ZSCAN5B: variants seen among roughly 807,000 people sequenced by gnomAD.
The protein encoded by ZSCAN5B is zinc finger and SCAN domain-containing protein 5B.
ZSCAN5B carries 26 observed loss-of-function variants against 25.2 expected under a neutral mutation model. That is an observed-to-expected ratio of 1.03 (90% CI 0.76 to 1.43). The LOEUF (loss-of-function observed/expected upper bound fraction) is 1.43. ZSCAN5B is among the 40% of genes most tolerant of loss of function. ZSCAN5B has a pLI of 0.00. For missense variants in ZSCAN5B, 745 were observed against 622.1 expected (o/e 1.20, Z -2.10); for synonymous variants, 244 against 240.9 (o/e 1.01, Z -0.12).
At chr19:56,193,649 G>C (rs1257514167) in intron 1 of ZSCAN5B, among the ~76,000 whole-genome samples, 1 of 152,160 alleles carries the variant, frequency 6.6e-6, no homozygotes, top group African/African-American at 2.4e-5. Flanking sequence ...ATTTGCTGCA[G>C]GGAAGAGGTG....
rs1304623165 is a variant in ZSCAN5B at position 56,192,986 on chromosome 19, GA to G, written c.66del (p.Pro23HisfsTer23). On this transcript the variant is annotated frameshift_variant, in exon 2 of 5. Transcript: ENST00000586855. LOFTEE classifies it high-confidence loss of function. ...GTTTCTGGGGACGCCACAGACCGTG[GA>G]GTGTCTGACCCAGGGCTGTTGCAGG... 1.1e-5 allele frequency: 17 copies of G among 1,607,188 alleles called. No homozygotes were observed. The highest frequency in any genetic ancestry group is 1.4e-5 in the Non-Finnish European group (17 of 1,175,884).
At position 56,189,891 on chromosome 19, in the gene ZSCAN5B, GC is replaced by G. The variant is rs1338741555; in HGVS notation, c.1423del (p.Ala475ProfsTer12). On this transcript the variant is annotated frameshift_variant, in exon 5 of 5. Transcript: ENST00000586855. LOFTEE classifies it low-confidence loss of function (END_TRUNC). ...CTTGAATGTCCCCAGCTGACGGAAG[GC>G]CTTTTGACAGGTGGGACATTTGTAG... 2 of 1,613,870 alleles carry G rather than the reference GC, an allele frequency of 1.2e-6. No individual in the cohort carries two copies. Among genetic ancestry groups the G allele is most frequent in the Non-Finnish European group, 1.7e-6 (2 of 1,179,896 alleles).
rs202218504 is a variant in ZSCAN5B, at chr19:56,190,119, C to T, written c.1196G>A (p.Arg399Gln). 9.9e-5 allele frequency: 159 copies of T among 1,613,990 alleles called. 1 individual carries two copies. The African/African-American group carries it at 1.5e-3, about 15-fold the overall frequency. Residue 399 changes from arginine (R) to glutamine (Q), a missense_variant, in exon 5 of 5, where the codon CGA becomes CAA. Coordinates refer to ENST00000586855, the Ensembl canonical transcript of ZSCAN5B. Reference sequence around the variant, plus strand: ...GCCAGTGTGGACTCGCTGGTGAACTCGGAGGTCTGAGGGCTGCAAGAAGCG... The same window carrying T: ...GCCAGTGTGGACTCGCTGGTGAACTTGGAGGTCTGAGGGCTGCAAGAAGCG...
intron 1 of ZSCAN5B, among the ~76,000 whole-genome samples, chr19:56,195,984 C>T (rs2032804895): frequency 6.6e-6 from 1 of 152,122 alleles, no homozygotes; most frequent in Non-Finnish European, 1.5e-5. Context: ...CTCTGCTTCC[C>T]AAAATTCTGG....
At chr19:56,194,255 T>C (rs1466769449) in intron 1 of ZSCAN5B, among the ~76,000 whole-genome samples, 1 of 152,104 alleles carries the variant, frequency 6.6e-6, no homozygotes, top group Non-Finnish European at 1.5e-5. Flanking sequence ...GATTAAAGTC[T>C]TATGAAATTT....
chr19:56,193,111 A>G, exon 2 of ZSCAN5B: 2 of 1,464,142 alleles, frequency 1.4e-6, no homozygotes, highest in African/African-American at 2.8e-5. Context: ...GCCAGTATCA[A>G]ATTGAGACCT....
Position 56,192,640 on chromosome 19 carries a change from C to A in ZSCAN5B, c.384+29G>T, listed in dbSNP as rs2032752274. 3.2e-6 allele frequency: 5 copies of A among 1,585,408 alleles called. No homozygotes were observed. In the South Asian group the frequency reaches 4.6e-5, roughly 15 times the overall value. ...TTGGCCCCCATCCCAGCTCCCCTTC[C>A]CTGCACCAATCACGAGGTTCCCACT... On this transcript the variant is annotated intron_variant, in intron 2 of 4. Transcript: ENST00000586855.
chr19:56,192,993 T>C, exon 2 of ZSCAN5B: 2 of 1,605,406 alleles, frequency 1.2e-6, no homozygotes, highest in Non-Finnish European at 1.7e-6. Context: ...GTGGAGTGTC[T>C]GACCCAGGGC....
At chr19:56,193,409 T>G (rs1452596395) in intron 1 of ZSCAN5B, among the ~76,000 whole-genome samples, 1 of 152,206 alleles carries the variant, frequency 6.6e-6, no homozygotes, top group African/African-American at 2.4e-5. Flanking sequence ...GGAACTGGTT[T>G]TCCTTTCAAC....
At chr19:56,191,067 G>A in intron 3 of ZSCAN5B, 80 bp from the exon 4 acceptor site, 1 of 1,586,360 alleles carries the variant, frequency 6.3e-7, no homozygotes, top group Non-Finnish European at 8.6e-7. Flanking sequence ...CTCCTGACTG[G>A]ACACACCAGA....
chr19:56,194,589 G>C (rs1267914456), intron 1 of ZSCAN5B, among the ~76,000 whole-genome samples: 1 of 152,132 alleles, frequency 6.6e-6, no homozygotes, highest in Admixed American at 6.5e-5. Flanking sequence ...TTGCATTGCA[G>C]CTGGCCTACA....
At position 56,189,770 on chromosome 19, in the gene ZSCAN5B, G is replaced by T. The variant is rs193293371; in HGVS notation, c.*57C>A. ...GTGTATATGTCATCTGGTAACATTG[G>T]AGAAAAACCATCATTCACTGTCTCT... is the stretch of plus-strand genomic sequence containing the variant. On this transcript the variant is annotated 3_prime_UTR_variant, in exon 5 of 5. Transcript: ENST00000586855. 50 of 1,540,096 alleles carry T rather than the reference G, an allele frequency of 3.2e-5. No individual in the cohort carries two copies. The African/African-American group carries it at 5.5e-4, about 17-fold the overall frequency.
exon 5 of ZSCAN5B, chr19:56,190,296 G>A (rs201658700): frequency 1.5e-5 from 25 of 1,614,166 alleles, no homozygotes; most frequent in East Asian, 6.7e-5. Context: ...GTGACTGACC[G>A]GGCCCGCAGG....
At chr19:56,197,852 T>C (rs2032831382) in exon 1 of ZSCAN5B, 2 of 985,326 alleles carry the variant, frequency 2.0e-6, no homozygotes, top group Non-Finnish European at 2.4e-6. Context: ...TCCGGTTCCC[T>C]GCGCCGCGCC....
At chr19:56,190,329 A>G in exon 5 of ZSCAN5B, 1 of 1,614,050 alleles carries the variant, frequency 6.2e-7, no homozygotes, top group Non-Finnish European at 8.5e-7. Context: ...AACTGGATTG[A>G]TCTCAGCTTG....
chr19:56,196,018 T>C (rs2032805218), intron 1 of ZSCAN5B, among the ~76,000 whole-genome samples: 1 of 152,128 alleles, frequency 6.6e-6, no homozygotes, highest in African/African-American at 2.4e-5. Context: ...CCACTATACC[T>C]GGCCTACTTA....
rs753397261 is a variant in ZSCAN5B, at chr19:56,190,943, G to T, written c.633C>A (p.Asp211Glu). 3 of 1,614,010 alleles carry T rather than the reference G, an allele frequency of 1.9e-6. No homozygotes were observed. The South Asian group carries it at 3.3e-5, about 18-fold the overall frequency. The stretch of plus-strand genomic sequence containing the variant: ...TCTGCTTGGGTCTCGGAGAGTTTGG[G>T]TCACCTGTTACGTCAATACTCTTGT... The change falls in exon 4 of 5, where the codon GAC (aspartate) becomes GAA (glutamate). Residue 211 changes from aspartate (D) to glutamate (E), a missense_variant. Physicochemically the swap from Asp to Glu is conservative, Grantham distance 45 (BLOSUM62 2). Transcript: ENST00000586855.
intron 1 of ZSCAN5B, 56 bp from the exon 2 acceptor site, chr19:56,193,235 C>T: frequency 1.5e-6 from 1 of 689,268 alleles, no homozygotes; most frequent in South Asian, 2.4e-5. Context: ...ACACACCCCT[C>T]CCTTCCAAAT....
rs537174428 is a variant in ZSCAN5B, at chr19:56,192,173, A to T, written c.385-120T>A. 8.3e-4 allele frequency: 799 copies of T among 967,822 alleles called. 5 individuals carry two copies. The African/African-American group carries it at 0.011, about 14-fold the overall frequency. The allele number at this position is 967,822 out of a possible 1,614,324, so 60.0% of individuals were successfully genotyped here. ...ATTAATGTTCAAATCTACCTTCCTG[A>T]TGCAGAATCAGCTCTGTGGACACAG... On this transcript the variant is annotated intron_variant, in intron 2 of 4. Transcript: ENST00000586855.
Sources: allele counts gnomAD v4.1 joint callset (sites outside exome capture counted in the v4.1 genomes callset), GRCh38; gene constraint gnomAD v4.1.1; transcripts MANE v1.5; gene names NCBI Gene and HGNC (gene_info 2026-07-23, HGNC 2026-07-21).